HNF4A: variants seen among roughly 807,000 people sequenced by gnomAD.
HNF4A encodes hepatocyte nuclear factor 4 alpha, also known as hepatocyte nuclear factor 4-alpha.
HNF4A carries 15 observed loss-of-function variants against 52.4 expected under a neutral mutation model. That is an observed-to-expected ratio of 0.29 (90% CI 0.19 to 0.44). The LOEUF (loss-of-function observed/expected upper bound fraction) is 0.44. Ranked by LOEUF, HNF4A falls within the 20% of genes least tolerant of loss-of-function variation. HNF4A has a pLI of 1.00. For missense variants in HNF4A, 479 were observed against 647.2 expected, an observed-to-expected ratio of 0.74 and a Z score of 2.82; for synonymous variants, 280 against 264.4, an observed-to-expected ratio of 1.06 and a Z score of -0.57.
At position 44,419,882 on chromosome 20, in the gene HNF4A, G is replaced by A. The variant is rs531607662; in HGVS notation, c.892+6G>A. ...CATCATCTTCTTTGACCCAGGTACAGTGCACACCTCCTAAGCCATCCCTGA... is the reference window on the plus strand; with the variant it reads ...CATCATCTTCTTTGACCCAGGTACAATGCACACCTCCTAAGCCATCCCTGA... On this transcript the variant is annotated splice_donor_region_variant and intron_variant, in intron 7 of 9. Transcript: ENST00000316099. 6.2e-7 allele frequency: 1 copy of A among 1,613,976 alleles called. No homozygotes were observed. The highest frequency in any genetic ancestry group is 1.1e-5 in the South Asian group (1 of 91,084).
chr20:44,389,403 A>C (rs1270733707), intron 1 of HNF4A, among the ~76,000 whole-genome samples: 1 of 152,260 alleles, frequency 6.6e-6, no homozygotes, highest in African/African-American at 2.4e-5. Context: ...ACCACAGTTT[A>C]AAAGTATAAG....
At chr20:44,402,492 C>T (rs1474690727) in intron 1 of HNF4A, 3 of 1,174,656 alleles carry the variant, frequency 2.6e-6, no homozygotes, top group Admixed American at 4.5e-5. Flanking sequence ...ATGCAGGACT[C>T]TGTTGTTGCC....
At chr20:44,409,065 C>T (rs1455089677) in intron 3 of HNF4A, among the ~76,000 whole-genome samples, 1 of 152,094 alleles carries the variant, frequency 6.6e-6, no homozygotes, top group Non-Finnish European at 1.5e-5. Flanking sequence ...TTCTATGTCT[C>T]ATCCTTATGG....
At chr20:44,413,860 C>A (rs1483861953) in intron 4 of HNF4A, 60 bp downstream of exon 4, 1 of 1,102,974 alleles carries the variant, frequency 9.1e-7, no homozygotes, top group Non-Finnish European at 1.4e-6. Context: ...GAGCTCACCT[C>A]CTCCACCTCC....
At chr20:44,411,392 G>A (rs1419979625) in intron 3 of HNF4A, among the ~76,000 whole-genome samples, 4 of 152,316 alleles carry the variant, frequency 2.6e-5, no homozygotes, top group South Asian at 2.1e-4. Context: ...AGCTCGCGCC[G>A]GGCACTGATA....
At chr20:44,372,370 C>T (rs1568693507) in intron 1 of HNF4A, among the ~76,000 whole-genome samples, 2 of 152,158 alleles carry the variant, frequency 1.3e-5, no homozygotes, top group Non-Finnish European at 2.9e-5. Context: ...ATCTCTTGGG[C>T]TGGTGTCTTC....
At chr20:44,402,418 T>C in intron 1 of HNF4A, 2 of 411,176 alleles carry the variant, frequency 4.9e-6, no homozygotes, top group Non-Finnish European at 4.8e-6. Context: ...TGTGTATATA[T>C]GCAGTTCCCT....
chr20:44,405,898 C>T (rs2063492650), intron 1 of HNF4A, among the ~76,000 whole-genome samples, 160 bp from the exon 2 acceptor site: 1 of 152,230 alleles, frequency 6.6e-6, no homozygotes, highest in Non-Finnish European at 1.5e-5. Flanking sequence ...GAAACTGAAG[C>T]TCCAAAAAGT....
rs151168174 is a variant in HNF4A, at chr20:44,424,112, C to T, written c.987C>T (p.Asp329=). ...ACTACATCAACGACCGCCAGTATGA[C>T]TCGCGTGGCCGCTTTGGAGAGCTGC... The change falls in exon 8 of 10, where the codon GAC becomes GAT. Residue 329 remains aspartate (D), a synonymous_variant. Transcript: ENST00000316099. 110 of 1,613,542 alleles carry T rather than the reference C, an allele frequency of 6.8e-5. No individual in the cohort carries two copies. In the African/African-American group the frequency reaches 1.3e-3, roughly 20 times the overall value.
At chr20:44,365,704 G>A (rs1361025701) in intron 1 of HNF4A, among the ~76,000 whole-genome samples, 2 of 152,204 alleles carry the variant, frequency 1.3e-5, no homozygotes, top group East Asian at 3.9e-4. Flanking sequence ...AAAACAATAA[G>A]TTATAACTAA....
chr20:44,383,741 A>C (rs920047391), intron 1 of HNF4A, among the ~76,000 whole-genome samples: 2 of 151,860 alleles, frequency 1.3e-5, no homozygotes, highest in African/African-American at 4.8e-5. Context: ...TTAAGTAGAG[A>C]CAGGATATCA....
At chr20:44,422,698 T>A (rs1031172085) in intron 7 of HNF4A, among the ~76,000 whole-genome samples, 111 of 147,582 alleles carry the variant, frequency 7.5e-4, no homozygotes, top group African/African-American at 2.4e-3. Context: ...TTTTTTAAAA[T>A]ATATATATAT....
At chr20:44,402,725 G>A in intron 1 of HNF4A, 2 of 840,368 alleles carry the variant, frequency 2.4e-6, no homozygotes, top group Non-Finnish European at 3.5e-6. Flanking sequence ...GAGGAGAGGG[G>A]GCAGGCAGCT....
intron 6 of HNF4A, among the ~76,000 whole-genome samples, chr20:44,418,889 C>T (rs1348692348): frequency 1.3e-5 from 2 of 152,184 alleles, no homozygotes; most frequent in African/African-American, 4.8e-5. Context: ...AATTCTCCTG[C>T]CTCACCCTCC....
chr20:44,361,620 G>A (rs796920745), intron 1 of HNF4A, among the ~76,000 whole-genome samples: 10 of 152,128 alleles, frequency 6.6e-5, no homozygotes, highest in African/African-American at 2.4e-4. Flanking sequence ...AGAGGTTGCA[G>A]TGAGCCAAGA....
intron 6 of HNF4A, among the ~76,000 whole-genome samples, chr20:44,418,801 A>T (rs1471695837): frequency 2.0e-5 from 3 of 152,076 alleles, no homozygotes. Flanking sequence ...CTTTTGACAG[A>T]GTCTTGCTCT....
At chr20:44,375,585 C>T (rs2063076491) in intron 1 of HNF4A, among the ~76,000 whole-genome samples, 1 of 151,856 alleles carries the variant, frequency 6.6e-6, no homozygotes, top group Non-Finnish European at 1.5e-5. Context: ...GTGATTCGGC[C>T]AAAGTCATAC....
At chr20:44,358,256 AAAAAAAG>A (rs950902997) in intron 1 of HNF4A, among the ~76,000 whole-genome samples, 33 of 147,634 alleles carry the variant, frequency 2.2e-4, no homozygotes, top group African/African-American at 7.7e-4. Flanking sequence ...CAGAAAAAAA[AAAAAAAG>A]AAAAGAAAAA....
At chr20:44,385,059 C>CTTTTGTTTTTTT in intron 1 of HNF4A, among the ~76,000 whole-genome samples, 1 of 34,970 alleles carries the variant, frequency 2.9e-5, no homozygotes, top group Non-Finnish European at 4.6e-5. Context: ...ACTCTGTGAT[C>CTTTTGTTTTTTT]TTTTTTTTTT....
Sources: gnomAD v4.1 joint callset for allele counts (sites outside exome capture counted in the v4.1 genomes callset) on GRCh38, gnomAD v4.1.1 for gene constraint, MANE v1.5 for transcripts, NCBI Gene and HGNC (gene_info 2026-07-23, HGNC 2026-07-21) for gene names.